IRAK1BP1: variants seen among roughly 807,000 people sequenced by gnomAD.
IRAK1BP1 encodes interleukin-1 receptor-associated kinase 1-binding protein 1.
IRAK1BP1 carries 24 observed loss-of-function variants against 28.0 expected under a neutral mutation model. The observed-to-expected ratio is 0.86, with a 90% confidence interval of 0.62 to 1.20. IRAK1BP1 has a LOEUF of 1.20. Ranked by LOEUF, IRAK1BP1 falls within the 50% of genes most tolerant of loss-of-function variation. The pLI is 0.00. For missense variants in IRAK1BP1, 336 were observed against 316.7 expected, an observed-to-expected ratio of 1.06 and a Z score of -0.46; for synonymous variants, 131 against 116.3, an observed-to-expected ratio of 1.13 and a Z score of -0.81.
chr6:78,892,061 C>T (rs895722380), intron 2 of IRAK1BP1, among the ~76,000 whole-genome samples: 4 of 152,094 alleles, frequency 2.6e-5, no homozygotes, highest in Non-Finnish European at 4.4e-5. Context: ...CACTAGTAGC[C>T]ATCTATTAGT....
intron 4 of IRAK1BP1, chr6:78,938,512 A>C (rs1352593489): frequency 6.6e-6 from 1 of 151,676 alleles, no homozygotes; most frequent in African/African-American, 2.4e-5. Flanking sequence ...TCAGGAAATT[A>C]CATATTTCAA....
chr6:78,966,988 T>C, the IRAK1BP1 span, among the ~76,000 whole-genome samples: 11 of 152,388 alleles, frequency 7.2e-5, no homozygotes, highest in South Asian at 2.1e-4. Flanking sequence ...TTTTGACTAA[T>C]GAGTTCTATT....
At chr6:78,934,196 G>A (rs1331102966) in intron 4 of IRAK1BP1, among the ~76,000 whole-genome samples, 1 of 152,114 alleles carries the variant, frequency 6.6e-6, no homozygotes, top group African/African-American at 2.4e-5. Context: ...ATATGGGTGT[G>A]GTTTGTGGCA....
At chr6:78,893,902 C>CA (rs1056160484) in intron 2 of IRAK1BP1, among the ~76,000 whole-genome samples, 12 of 146,472 alleles carry the variant, frequency 8.2e-5, no homozygotes, top group Non-Finnish European at 1.5e-4. Flanking sequence ...GACTCTGTCT[C>CA]AAAAAAAAAG....
chr6:78,920,811 G>A (rs1377060047), intron 4 of IRAK1BP1, among the ~76,000 whole-genome samples: 1 of 152,116 alleles, frequency 6.6e-6, no homozygotes, highest in Non-Finnish European at 1.5e-5. Context: ...TAAAGAGCTT[G>A]TGCATAGCAA....
chr6:78,871,394 T>C (rs1770786589), intron 1 of IRAK1BP1: 1 of 985,282 alleles, frequency 1.0e-6, no homozygotes, highest in Non-Finnish European at 1.2e-6. Context: ...ACTGTAAGAT[T>C]CCTTTAACAC....
At chr6:78,945,222 T>C (rs1172398556) in intron 4 of IRAK1BP1, 8 of 1,081,824 alleles carry the variant, frequency 7.4e-6, no homozygotes, top group Non-Finnish European at 1.1e-5. Context: ...GAAAAGTGGA[T>C]ATAAATGCTG....
At chr6:78,879,166 C>G (rs1013742528) in intron 1 of IRAK1BP1, among the ~76,000 whole-genome samples, 4 of 151,942 alleles carry the variant, frequency 2.6e-5, no homozygotes, top group African/African-American at 9.7e-5. Flanking sequence ...CACTTGGACA[C>G]AGGATGGGGA....
At chr6:78,973,385 C>G in the IRAK1BP1 span, among the ~76,000 whole-genome samples, 2 of 150,384 alleles carry the variant, frequency 1.3e-5, no homozygotes, top group Admixed American at 1.3e-4. Context: ...AAGCGCTAAA[C>G]ATGGAAAGGA....
chr6:78,976,043 C>T, the IRAK1BP1 span, among the ~76,000 whole-genome samples: 3 of 151,874 alleles, frequency 2.0e-5, no homozygotes, highest in Non-Finnish European at 4.4e-5. Context: ...TCATATGGAA[C>T]CAAAAAAGGG....
the IRAK1BP1 span, among the ~76,000 whole-genome samples, chr6:78,975,747 C>A: frequency 4.6e-4 from 70 of 151,926 alleles, no homozygotes; most frequent in Non-Finnish European, 3.7e-4. Flanking sequence ...AACAGAGAGC[C>A]AAATCATGAG....
the IRAK1BP1 span, chr6:78,963,144 T>C: frequency 6.2e-7 from 1 of 1,609,558 alleles, no homozygotes; most frequent in South Asian, 1.1e-5. Context: ...TTCACATTCT[T>C]CATCCCTGGG....
the IRAK1BP1 span, among the ~76,000 whole-genome samples, chr6:78,953,028 CTTAT>C: frequency 6.6e-6 from 1 of 151,354 alleles, no homozygotes; most frequent in Non-Finnish European, 1.5e-5. Flanking sequence ...AGATCACTCC[CTTAT>C]ATAGGTGTTG....
chr6:78,897,777 C>T (rs958149255), intron 2 of IRAK1BP1, 52 bp from the exon 3 acceptor site: 1 of 1,530,144 alleles, frequency 6.5e-7, no homozygotes, highest in South Asian at 1.2e-5. Context: ...TAGAGAAAAT[C>T]TTGAAACAGT....
intron 4 of IRAK1BP1, chr6:78,935,448 C>T: frequency 1.1e-6 from 1 of 938,872 alleles, no homozygotes; most frequent in Non-Finnish European, 1.3e-6. Context: ...TTCCATCATT[C>T]CTTTTTTCCC....
chr6:78,961,162 C>T, the IRAK1BP1 span, among the ~76,000 whole-genome samples: 1 of 151,972 alleles, frequency 6.6e-6, no homozygotes, highest in Non-Finnish European at 1.5e-5. Context: ...TATGCCTGGG[C>T]CATTTAACTC....
the IRAK1BP1 span, chr6:78,955,857 T>G: frequency 2.7e-6 from 1 of 375,846 alleles, no homozygotes; most frequent in East Asian, 4.1e-5. Context: ...ACCCCTCCAC[T>G]CTATGTAGAG....
intron 1 of IRAK1BP1, among the ~76,000 whole-genome samples, chr6:78,872,846 C>T (rs1355202519): frequency 6.6e-6 from 1 of 152,068 alleles, no homozygotes; most frequent in Non-Finnish European, 1.5e-5. Flanking sequence ...ACTGCCATTT[C>T]TTTTTTATCA....
chr6:78,897,780 GA>G, intron 2 of IRAK1BP1, 48 bp from the exon 3 acceptor site: 1 of 1,542,088 alleles, frequency 6.5e-7, no homozygotes, highest in Non-Finnish European at 8.8e-7. Context: ...AGAAAATCTT[GA>G]AACAGTACAT....
Sources: gnomAD v4.1 joint callset for allele counts (sites outside exome capture counted in the v4.1 genomes callset) on GRCh38, gnomAD v4.1.1 for gene constraint, MANE v1.5 for transcripts, NCBI Gene and HGNC (gene_info 2026-07-23, HGNC 2026-07-21) for gene names.